GPR158: variants seen among roughly 807,000 people sequenced by gnomAD.
GPR158 encodes the protein metabotropic glycine receptor.
A neutral mutation model predicts 78.2 loss-of-function variants in GPR158; 30 were observed. That is an observed-to-expected ratio of 0.38 (90% CI 0.29 to 0.52). GPR158 has a LOEUF of 0.52. Ranked by LOEUF, GPR158 falls within the 20% of genes least tolerant of loss-of-function variation. The pLI, the probability that GPR158 is intolerant of heterozygous loss-of-function variation, is 0.83. For synonymous variants in GPR158, 581 were observed against 591.1 expected, an observed-to-expected ratio of 0.98 and a Z score of 0.25; for missense variants, 1,463 against 1,523.5, an observed-to-expected ratio of 0.96 and a Z score of 0.66.
chr10:25,513,349 T>C (rs918386786), intron 5 of GPR158, among the ~76,000 whole-genome samples: 4 of 152,112 alleles, frequency 2.6e-5, no homozygotes, highest in Non-Finnish European at 2.9e-5. Flanking sequence ...GAATGATCTT[T>C]TGTATTTCTG....
In GPR158 at chr10:25,175,580, G is replaced by A. The variant is rs1368431052; in HGVS notation, c.160G>A (p.Ala54Thr). The A allele has an allele frequency of 6.2e-7, 1 of 1,610,944 alleles. No individual in the cohort carries two copies. The highest frequency in any genetic ancestry group is 1.3e-5 in the African/African-American group (1 of 74,936). ...CGCCCAGCAGCCGGGTCGAGCCTCT[G>A]CCTCGGACTCCTCGGCTCCCTGGAG... ...PHAQQPGRAS[A>T]SDSSAPWSRS... Residue 54 changes from alanine (A) to threonine (T), a missense_variant, in exon 1 of 11, where the codon GCC (alanine) becomes ACC (threonine). Transcript: ENST00000376351. The surrounding 1 kb of genome is among the most constrained non-coding windows in gnomAD (Gnocchi z 6.4).
chr10:25,330,965 G>A (rs1166876653), intron 2 of GPR158, among the ~76,000 whole-genome samples: 1 of 152,130 alleles, frequency 6.6e-6, no homozygotes, highest in Non-Finnish European at 1.5e-5. Flanking sequence ...TTTGGAGAAA[G>A]GGTGTGGCTT....
intron 5 of GPR158, among the ~76,000 whole-genome samples, chr10:25,469,142 C>A (rs552752227): frequency 1.3e-5 from 2 of 152,244 alleles, no homozygotes; most frequent in African/African-American, 4.8e-5. Flanking sequence ...ACTTGAATGC[C>A]TCAGGACTGA....
chr10:25,424,658 T>C (rs1481132803), intron 4 of GPR158, among the ~76,000 whole-genome samples: 1 of 151,920 alleles, frequency 6.6e-6, no homozygotes, highest in Non-Finnish European at 1.5e-5. Flanking sequence ...CCCCATTTCT[T>C]GTTTTTGTCA....
chr10:25,195,492 C>T (rs1189716928), intron 1 of GPR158, among the ~76,000 whole-genome samples: 1 of 152,204 alleles, frequency 6.6e-6, no homozygotes, highest in African/African-American at 2.4e-5. Flanking sequence ...AGCCATAAGC[C>T]ACCACACCCC....
intron 2 of GPR158, among the ~76,000 whole-genome samples, chr10:25,364,615 G>C (rs1855692520): frequency 6.6e-6 from 1 of 151,798 alleles, no homozygotes; most frequent in African/African-American, 2.4e-5. Context: ...ATTCAGAATG[G>C]TACTTTTAAG....
At chr10:25,348,269 G>A (rs1215231802) in intron 2 of GPR158, among the ~76,000 whole-genome samples, 2 of 151,812 alleles carry the variant, frequency 1.3e-5, no homozygotes, top group Non-Finnish European at 2.9e-5. Context: ...TTTAGGGATA[G>A]ATCTGTTGCT....
intron 6 of GPR158, 65 bp downstream of exon 6, chr10:25,551,150 T>C: frequency 2.2e-6 from 2 of 923,278 alleles, no homozygotes; most frequent in Non-Finnish European, 3.6e-6. Flanking sequence ...GGCACATAAT[T>C]GTTAGCTGGG....
At chr10:25,182,722 A>T (rs1852627911) in intron 1 of GPR158, among the ~76,000 whole-genome samples, 1 of 152,224 alleles carries the variant, frequency 6.6e-6, no homozygotes, top group Non-Finnish European at 1.5e-5. Context: ...GTGCTGTTGG[A>T]TTCAACATAC....
At chr10:25,422,341 C>T (rs1834762390) in intron 4 of GPR158, among the ~76,000 whole-genome samples, 1 of 152,126 alleles carries the variant, frequency 6.6e-6, no homozygotes, top group African/African-American at 2.4e-5. Flanking sequence ...TCAGATTAGC[C>T]TTGGTATTAG....
At chr10:25,547,098 A>G (rs1252672249) in intron 5 of GPR158, among the ~76,000 whole-genome samples, 1 of 152,180 alleles carries the variant, frequency 6.6e-6, no homozygotes, top group Admixed American at 6.5e-5. Context: ...GGGAACTGCA[A>G]TGACAGACAG....
At chr10:25,484,597 C>T (rs925980040) in intron 5 of GPR158, among the ~76,000 whole-genome samples, 2 of 152,056 alleles carry the variant, frequency 1.3e-5, no homozygotes, top group African/African-American at 2.4e-5. Context: ...CAGTTTGAGT[C>T]GAAAGATAAG....
chr10:25,184,286 G>C (rs1852652506), intron 1 of GPR158, among the ~76,000 whole-genome samples: 1 of 152,078 alleles, frequency 6.6e-6, no homozygotes, highest in African/African-American at 2.4e-5. Context: ...GCATTCCTAG[G>C]CTCAGGTGAT....
intron 1 of GPR158, among the ~76,000 whole-genome samples, chr10:25,186,820 C>G (rs1564385704): frequency 6.6e-6 from 1 of 152,128 alleles, no homozygotes; most frequent in Non-Finnish European, 1.5e-5. Context: ...ACCATTCCTT[C>G]TGAAACTATT....
chr10:25,223,450 C>T lies in GPR158; in HGVS notation c.1008+2293C>T, dbSNP rs375089726. Among the ~76,000 whole-genome samples, 6 of 152,092 alleles carry T rather than the reference C, an allele frequency of 3.9e-5. No individual in the cohort carries two copies. The South Asian group carries it at 8.3e-4, about 21-fold the overall frequency. ...ACATTGTATTGGGCTTCTCTAAGGTCGTATAGTTTGTGCTGGTCACTCTAG... is the reference window on the plus strand; with the variant it reads ...ACATTGTATTGGGCTTCTCTAAGGTTGTATAGTTTGTGCTGGTCACTCTAG... On this transcript the variant is annotated intron_variant, in intron 2 of 10. Transcript: ENST00000376351.
intron 2 of GPR158, among the ~76,000 whole-genome samples, chr10:25,350,371 A>C (rs1319639123): frequency 6.6e-6 from 1 of 152,050 alleles, no homozygotes; most frequent in African/African-American, 2.4e-5. Flanking sequence ...AAACTGACCC[A>C]TAGGCTTCTT....
chr10:25,246,183 A>G (rs1024428181), intron 2 of GPR158, among the ~76,000 whole-genome samples: 1 of 152,238 alleles, frequency 6.6e-6, no homozygotes, highest in East Asian at 1.9e-4. Flanking sequence ...TGATTTTTAA[A>G]ATAGCTGTGA....
intron 2 of GPR158, among the ~76,000 whole-genome samples, chr10:25,240,362 A>G (rs1352026623): frequency 9.2e-5 from 14 of 152,190 alleles, no homozygotes; most frequent in Non-Finnish European, 1.5e-5. Flanking sequence ...TACAAAAATT[A>G]GCTAGGCATG....
At chr10:25,485,981 A>T (rs1835729773) in intron 5 of GPR158, among the ~76,000 whole-genome samples, 1 of 152,134 alleles carries the variant, frequency 6.6e-6, no homozygotes, top group Non-Finnish European at 1.5e-5. Context: ...GAGACTCTTC[A>T]CTTTTTCCAC....
Sources: allele counts gnomAD v4.1 joint callset (sites outside exome capture counted in the v4.1 genomes callset), GRCh38; gene constraint gnomAD v4.1.1; non-coding constraint Gnocchi (gnomAD v3.1); transcripts MANE v1.5; gene names NCBI Gene and HGNC (gene_info 2026-07-23, HGNC 2026-07-21).